The following WDR70 variants were observed in gnomAD, a reference collection of about 807,000 sequenced individuals.
The protein encoded by WDR70 is WD repeat-containing protein 70.
In WDR70, 53 loss-of-function variants were observed where a neutral mutation model predicts 88.6. That is an observed-to-expected ratio of 0.60 (90% CI 0.48 to 0.75). The LOEUF is 0.75. Among genes scored for constraint, WDR70 ranks in the 30% least tolerant of loss-of-function variants. The pLI is 0.00. For synonymous variants in WDR70, 280 were observed against 270.0 expected (o/e 1.04, Z -0.36); for missense variants, 610 against 823.2 (o/e 0.74, Z 3.17).
At chr5:37,648,413 A>G (rs189295147) in intron 10 of WDR70, among the ~76,000 whole-genome samples, 1 of 152,212 alleles carries the variant, frequency 6.6e-6, no homozygotes, top group East Asian at 1.9e-4. Flanking sequence ...AATTTTATGA[A>G]GCCAGTCCAC....
At chr5:37,478,294 C>G (rs552276912) in intron 7 of WDR70, among the ~76,000 whole-genome samples, 1 of 152,314 alleles carries the variant, frequency 6.6e-6, no homozygotes, top group South Asian at 2.1e-4. Context: ...CATGGCTTCT[C>G]TTTCACCAAC....
chr5:37,664,654 A>G (rs138106513), intron 10 of WDR70, among the ~76,000 whole-genome samples: 1 of 152,134 alleles, frequency 6.6e-6, no homozygotes, highest in African/African-American at 2.4e-5. Flanking sequence ...TTTTTGTACA[A>G]TTTATTGTAG....
intron 10 of WDR70, among the ~76,000 whole-genome samples, chr5:37,667,212 C>T (rs1745880157): frequency 6.6e-6 from 1 of 152,186 alleles, no homozygotes; most frequent in Non-Finnish European, 1.5e-5. Context: ...CTGTCCATCT[C>T]ACTCCTTGCA....
At chr5:37,453,273 C>G (rs1430459727) in intron 7 of WDR70, among the ~76,000 whole-genome samples, 5 of 152,158 alleles carry the variant, frequency 3.3e-5, no homozygotes, top group Admixed American at 3.3e-4. Context: ...GTCTCACAGC[C>G]TTCAGAGCTG....
intron 5 of WDR70, among the ~76,000 whole-genome samples, chr5:37,402,512 GATAA>G (rs1000781121): frequency 1.3e-5 from 2 of 151,874 alleles, no homozygotes; most frequent in African/African-American, 2.4e-5. Context: ...CTAAAAAATT[GATAA>G]ATAATATATA....
chr5:37,503,272 T>C (rs556303869), intron 8 of WDR70, among the ~76,000 whole-genome samples: 2 of 152,100 alleles, frequency 1.3e-5, no homozygotes, highest in African/African-American at 4.8e-5. Context: ...TTTTTTAAAC[T>C]GTAAGTTCAG....
chr5:37,522,777 C>T (rs762201567), intron 9 of WDR70, among the ~76,000 whole-genome samples: 6 of 152,212 alleles, frequency 3.9e-5, no homozygotes, highest in Non-Finnish European at 8.8e-5. Flanking sequence ...AGGTCACTCC[C>T]ACCCTAATAC....
intron 13 of WDR70, among the ~76,000 whole-genome samples, chr5:37,705,373 TATTGAATC>T (rs1192279660): frequency 2.0e-5 from 3 of 152,038 alleles, no homozygotes; most frequent in Non-Finnish European, 2.9e-5. Context: ...GAACATACAA[TATTGAATC>T]ATCTGAGAAA....
chr5:37,461,401 A>T (rs1393960337), intron 7 of WDR70, among the ~76,000 whole-genome samples: 2 of 152,140 alleles, frequency 1.3e-5, no homozygotes, highest in East Asian at 3.9e-4. Context: ...AGGAAGTTTG[A>T]GGGAGCTGGG....
At chr5:37,517,740 G>GAT (rs1740931802) in intron 9 of WDR70, among the ~76,000 whole-genome samples, 1 of 84,654 alleles carries the variant, frequency 1.2e-5, no homozygotes, top group South Asian at 4.3e-4. Context: ...GAGATATTTT[G>GAT]ATAGCCATGC....
At chr5:37,481,958 C>A (rs941775948) in intron 8 of WDR70, among the ~76,000 whole-genome samples, 1 of 152,180 alleles carries the variant, frequency 6.6e-6, no homozygotes, top group Admixed American at 6.5e-5. Context: ...CTATCTTATG[C>A]CCTTTTCTAA....
At chr5:37,670,020 A>G (rs1224650277) in intron 10 of WDR70, among the ~76,000 whole-genome samples, 1 of 151,914 alleles carries the variant, frequency 6.6e-6, no homozygotes, top group East Asian at 1.9e-4. Flanking sequence ...AAATATTAAG[A>G]AAAAAAAGGG....
At chr5:37,579,356 C>G (rs946872865) in intron 9 of WDR70, among the ~76,000 whole-genome samples, 1 of 151,946 alleles carries the variant, frequency 6.6e-6, no homozygotes, top group Non-Finnish European at 1.5e-5. Context: ...GAGGCTGAGG[C>G]GGGTGGATCA....
At chr5:37,590,432 A>G (rs186632353) in intron 9 of WDR70, among the ~76,000 whole-genome samples, 14 of 152,248 alleles carry the variant, frequency 9.2e-5, no homozygotes, top group Admixed American at 3.3e-4. Context: ...AGGTTCATCT[A>G]TGTTGTGTAC....
intron 9 of WDR70, among the ~76,000 whole-genome samples, chr5:37,570,231 A>G (rs1742862796): frequency 1.3e-5 from 2 of 152,110 alleles, no homozygotes; most frequent in South Asian, 4.1e-4. Flanking sequence ...AGTATAATGG[A>G]GATAGAGGAA....
At chr5:37,566,423 A>G (rs1166772697) in intron 9 of WDR70, among the ~76,000 whole-genome samples, 1 of 152,026 alleles carries the variant, frequency 6.6e-6, no homozygotes, top group Non-Finnish European at 1.5e-5. Context: ...AAAATTTGAG[A>G]TAATTTTTTT....
rs1279337452 is a variant in WDR70 at position 37,741,112 on chromosome 5, G to T, written c.1878-11374G>T. On this transcript the variant is annotated intron_variant, in intron 17 of 17. Coordinates refer to ENST00000265107, the MANE Select transcript of WDR70 (RefSeq NM_018034.4). ...CAAAGACTGGCCCTCCATCACAGAT[G>T]GTTTGAGAAGCAGTACCCTAGGCAC... 9.9e-5 allele frequency among the ~76,000 whole-genome samples: 15 copies of T among 152,114 alleles called. No homozygotes were observed. In the East Asian group the frequency reaches 1.7e-3, roughly 18 times the overall value.
chr5:37,497,835 T>A (rs1481699645), intron 8 of WDR70, among the ~76,000 whole-genome samples: 1 of 152,186 alleles, frequency 6.6e-6, no homozygotes, highest in African/African-American at 2.4e-5. Flanking sequence ...GTTTTTGTTT[T>A]TTTTAAGACA....
chr5:37,529,724 G>A (rs769634126), intron 9 of WDR70, among the ~76,000 whole-genome samples: 1 of 152,050 alleles, frequency 6.6e-6, no homozygotes, highest in Non-Finnish European at 1.5e-5. Context: ...GAGCTTTTTG[G>A]ATGAGTCTTT....
Sources: gnomAD v4.1 joint callset for allele counts (sites outside exome capture counted in the v4.1 genomes callset) on GRCh38, gnomAD v4.1.1 for gene constraint, MANE v1.5 for transcripts, NCBI Gene and HGNC (gene_info 2026-07-23, HGNC 2026-07-21) for gene names.